Variants in KDM5A observed in about 807,000 individuals in gnomAD.
The protein encoded by KDM5A is lysine-specific demethylase 5A.
KDM5A carries 42 observed loss-of-function variants against 193.5 expected under a neutral mutation model. That is an observed-to-expected ratio of 0.22 (90% CI 0.17 to 0.28). KDM5A has a LOEUF of 0.28. Ranked by LOEUF, KDM5A falls within the 10% of genes least tolerant of loss-of-function variation. The pLI, the probability that KDM5A is intolerant of heterozygous loss-of-function variation, is 1.00. For missense variants in KDM5A, 1,692 were observed against 2,055.1 expected, an observed-to-expected ratio of 0.82 and a Z score of 3.42; for synonymous variants, 796 against 718.1, an observed-to-expected ratio of 1.11 and a Z score of -1.73.
At chr12:380,921 A>G (rs958883131) in intron 3 of KDM5A, among the ~76,000 whole-genome samples, 2 of 151,886 alleles carry the variant, frequency 1.3e-5, no homozygotes, top group South Asian at 2.1e-4. Context: ...CAGCCTCCTG[A>G]GCAGATGGAA....
chr12:366,767 A>G (rs536894416), intron 3 of KDM5A, among the ~76,000 whole-genome samples: 6 of 152,354 alleles, frequency 3.9e-5, no homozygotes, highest in African/African-American at 1.4e-4. Context: ...TACAGAATAC[A>G]TATTTCAAAG....
At chr12:359,195 T>C (rs1944263771) in intron 5 of KDM5A, among the ~76,000 whole-genome samples, 1 of 152,132 alleles carries the variant, frequency 6.6e-6, no homozygotes, top group Non-Finnish European at 1.5e-5. Flanking sequence ...AGAGTGTGAA[T>C]GCAAAATATC....
intron 12 of KDM5A, 40 bp from the exon 13 acceptor site, chr12:331,978 T>C (rs1344078633): frequency 2.5e-6 from 4 of 1,591,658 alleles, no homozygotes; most frequent in African/African-American, 2.7e-5. Flanking sequence ...AAATAAAAAA[T>C]AAAAATAACA....
At chr12:310,821 C>A in intron 21 of KDM5A, 64 bp downstream of exon 21, 1 of 1,510,970 alleles carries the variant, frequency 6.6e-7, no homozygotes, top group Non-Finnish European at 9.2e-7. Context: ...CTGAAAATAA[C>A]CCTCACCAAT....
In KDM5A at chr12:388,986, T is replaced by C. The variant is rs934649102; in HGVS notation, c.106A>G (p.Ile36Val). The C allele has an allele frequency of 1.2e-5, 19 of 1,613,210 alleles. No homozygotes were observed. The highest frequency in any genetic ancestry group is 3.3e-4 in the Middle Eastern group (2 of 6,082). ...TCCGCCAAAGGCCGGATGCGGCCGA[T>C]AAAGCTGAGCGGATCTGTGAACTCC... is the stretch of plus-strand genomic sequence containing the variant. Reference protein sequence around the residue: ...WEEFTDPLSFIGRIRPLAEKT... With the variant: ...WEEFTDPLSFVGRIRPLAEKT... Residue 36 changes from isoleucine to valine, a missense_variant, in exon 1 of 28, where the codon ATC becomes GTC. By Grantham distance (29) the Ile-to-Val change is conservative (BLOSUM62 3). Around this residue, in one of 11 missense-constraint regions of KDM5A, gnomAD observed 84 missense variants for 68.2 expected, o/e 1.23. Coordinates refer to ENST00000399788, the MANE Select transcript of KDM5A (RefSeq NM_001042603.3).
At chr12:336,180 G>A (rs909705447) in intron 10 of KDM5A, among the ~76,000 whole-genome samples, 7 of 151,526 alleles carry the variant, frequency 4.6e-5, no homozygotes, top group African/African-American at 1.7e-4. Context: ...TCAACATGGC[G>A]GGACCCCATC....
intron 3 of KDM5A, among the ~76,000 whole-genome samples, chr12:375,291 A>G (rs1462272606): frequency 6.6e-6 from 1 of 152,156 alleles, no homozygotes; most frequent in South Asian, 2.1e-4. Context: ...TTTTTTCTCT[A>G]AAGTTCTCTT....
chr12:376,288 C>A (rs1005595733), intron 3 of KDM5A, among the ~76,000 whole-genome samples: 1 of 152,212 alleles, frequency 6.6e-6, no homozygotes, highest in African/African-American at 2.4e-5. Context: ...TGTGGGCACC[C>A]ATCCCCCAGG....
In KDM5A at chr12:307,050, C is replaced by T. The variant is rs758861560; in HGVS notation, c.3970G>A (p.Val1324Met). 4 of 1,614,058 alleles carry T rather than the reference C, an allele frequency of 2.5e-6. No homozygotes were observed. Among genetic ancestry groups the T allele is most frequent in the South Asian group, 1.1e-5 (1 of 91,078 alleles). ...PSFQQSAFNR[V>M]VSSVSSSPRQ... ...GGAGAAGATGACACACTGCTCACCA[C>T]CCGGTTAAAAGCAGACTGCTGGAAA... Residue 1324 changes from valine (V) to methionine (M), a missense_variant, in exon 24 of 28, where the codon GTG (valine) becomes ATG (methionine). Around this residue, in one of 11 missense-constraint regions of KDM5A, gnomAD observed 965 missense variants for 1,061.0 expected, o/e 0.91. Transcript: ENST00000399788. The surrounding 1 kb of genome is among the most constrained non-coding windows in gnomAD (Gnocchi z 4.3).
chr12:307,165 A>G lies in KDM5A; in HGVS notation c.3931-76T>C, dbSNP rs543951443. On this transcript the variant is annotated intron_variant, in intron 23 of 27. Transcript: ENST00000399788. This position sits in a 1 kb window ranked among gnomAD's most constrained non-coding sequence, Gnocchi z 4.3. ...GGGTAATTAATGTGTGCTTAAGATC[A>G]CCAAAATGTAATGAATAAGCAAAGT... The G allele has an allele frequency of 3.2e-6, 5 of 1,549,956 alleles. No homozygotes were observed. Among genetic ancestry groups the G allele is most frequent in the Non-Finnish European group, 4.4e-6 (5 of 1,124,940 alleles).
chr12:347,070 T>C (rs986528936), intron 10 of KDM5A, among the ~76,000 whole-genome samples: 19 of 152,324 alleles, frequency 1.2e-4, no homozygotes, highest in African/African-American at 4.3e-4. Context: ...CAGCAAAGTC[T>C]CAGCATACAA....
At position 388,973 on chromosome 12, in the gene KDM5A, C is replaced by T. The variant is rs1307567536; in HGVS notation, c.119G>A (p.Arg40Gln). Reference protein sequence around the residue: ...TDPLSFIGRIRPLAEKTGICK... With the variant: ...TDPLSFIGRIQPLAEKTGICK... ...GATGCCGGTTTTCTCCGCCAAAGGC[C>T]GGATGCGGCCGATAAAGCTGAGCGG... The change falls in exon 1 of 28, where the codon CGG becomes CAG. Residue 40 changes from arginine (R) to glutamine (Q), a missense_variant. Physicochemically the swap from Arg to Gln is conservative, Grantham distance 43. Coordinates refer to ENST00000399788, the MANE Select transcript of KDM5A (RefSeq NM_001042603.3). The T allele has an allele frequency of 6.2e-7, 1 of 1,614,218 alleles. No individual in the cohort carries two copies. The highest frequency in any genetic ancestry group is 1.7e-5 in the Admixed American group (1 of 60,028).
At chr12:287,984 A>G (rs377237688) in intron 27 of KDM5A, among the ~76,000 whole-genome samples, 2 of 152,238 alleles carry the variant, frequency 1.3e-5, no homozygotes, top group East Asian at 3.8e-4. Context: ...CCATTTCAAA[A>G]GAGTATATAA....
At chr12:323,554 G>A in intron 15 of KDM5A, 46 bp downstream of exon 15, 2 of 1,555,940 alleles carry the variant, frequency 1.3e-6, no homozygotes, top group Non-Finnish European at 1.8e-6. Context: ...TTAAAACTTG[G>A]TTTTAAAAAA....
chr12:342,616 C>A (rs560898719), intron 10 of KDM5A, among the ~76,000 whole-genome samples: 3 of 151,848 alleles, frequency 2.0e-5, no homozygotes, highest in Non-Finnish European at 4.4e-5. Flanking sequence ...AGCGCCACCA[C>A]GCCCAGCTAA....
At chr12:345,662 G>A (rs1944063100) in intron 10 of KDM5A, among the ~76,000 whole-genome samples, 1 of 152,200 alleles carries the variant, frequency 6.6e-6, no homozygotes, top group Non-Finnish European at 1.5e-5. Context: ...GCTCCTGAAT[G>A]ACTACTGGGT....
At chr12:358,363 T>C (rs1197431364) in intron 5 of KDM5A, among the ~76,000 whole-genome samples, 2 of 152,190 alleles carry the variant, frequency 1.3e-5, no homozygotes, top group African/African-American at 4.8e-5. Flanking sequence ...CTAAATGCCA[T>C]TTCAATATTT....
Position 365,706 on chromosome 12 carries a change from A to G in KDM5A, c.537+228T>C, listed in dbSNP as rs147946719. On this transcript the variant is annotated intron_variant, in intron 4 of 27. Coordinates refer to ENST00000399788, the MANE Select transcript of KDM5A (RefSeq NM_001042603.3). ...TCATGAAACAAACAGGACTTTTTCA[A>G]AAAGTTTCAGTCATAAAGGTTTATT... 2.5e-3 allele frequency among the ~76,000 whole-genome samples: 380 copies of G among 152,366 alleles called. 1 individual carries two copies. The highest frequency in any genetic ancestry group is 8.7e-3 in the African/African-American group (363 of 41,602).
chr12:352,755 T>C (rs925748424), intron 8 of KDM5A, among the ~76,000 whole-genome samples: 2 of 152,192 alleles, frequency 1.3e-5, no homozygotes, highest in African/African-American at 4.8e-5. Context: ...ACTAAGAGAA[T>C]AGTTTGTTCA....
Sources: allele counts gnomAD v4.1 joint callset (sites outside exome capture counted in the v4.1 genomes callset), GRCh38; gene constraint gnomAD v4.1.1; regional missense constraint gnomAD v4.1.1; non-coding constraint Gnocchi (gnomAD v3.1); transcripts MANE v1.5; gene names NCBI Gene and HGNC (gene_info 2026-07-23, HGNC 2026-07-21).